LRRC7: variants seen among roughly 807,000 people sequenced by gnomAD.
The protein encoded by LRRC7 is leucine-rich repeat-containing protein 7.
In LRRC7, 23 loss-of-function variants were observed where a neutral mutation model predicts 175.7. That is an observed-to-expected ratio of 0.13 (90% CI 0.09 to 0.19). LRRC7 has a LOEUF of 0.19. Among genes scored for constraint, LRRC7 ranks in the 10% least tolerant of loss-of-function variants. LRRC7 has a pLI of 1.00. For missense variants in LRRC7, 1,354 were observed against 1,904.7 expected (o/e 0.71, Z 5.38); for synonymous variants, 685 against 680.9 (o/e 1.01, Z -0.09).
chr1:69,983,613 AG>A (rs1221678749), intron 9 of LRRC7, among the ~76,000 whole-genome samples: 7 of 152,220 alleles, frequency 4.6e-5, no homozygotes, highest in African/African-American at 1.7e-4. Context: ...CAGTCAATGC[AG>A]GTATATAAAG....
At chr1:69,776,413 A>G (rs1672810663) in intron 3 of LRRC7, among the ~76,000 whole-genome samples, 1 of 152,208 alleles carries the variant, frequency 6.6e-6, no homozygotes, top group Admixed American at 6.5e-5. Context: ...GTTATCTTCT[A>G]TTCCAAATTA....
intron 1 of LRRC7, among the ~76,000 whole-genome samples, chr1:69,661,515 T>A (rs1657470470): frequency 6.6e-6 from 1 of 152,190 alleles, no homozygotes; most frequent in South Asian, 2.1e-4. Flanking sequence ...TCATTTATTT[T>A]AAAAAATGCT....
intron 18 of LRRC7, among the ~76,000 whole-genome samples, chr1:70,030,908 A>G (rs725795): frequency 0.22 from 32,829 of 152,104 alleles, 3,600 homozygotes; most frequent in African/African-American, 0.24. Flanking sequence ...GAGCCATAAG[A>G]AAAAGGAGGA....
At chr1:70,010,056 G>T (rs751065076) in intron 11 of LRRC7, among the ~76,000 whole-genome samples, 1 of 152,076 alleles carries the variant, frequency 6.6e-6, no homozygotes, top group Non-Finnish European at 1.5e-5. Flanking sequence ...CTTCCCTGAT[G>T]TATTCCCTTG....
At chr1:69,699,940 G>A (rs994808094) in intron 2 of LRRC7, among the ~76,000 whole-genome samples, 3 of 152,172 alleles carry the variant, frequency 2.0e-5, no homozygotes, top group Admixed American at 6.5e-5. Context: ...GGGGTCCTAT[G>A]GAAGCCTTTC....
At chr1:69,975,309 A>G (rs1652697441) in intron 8 of LRRC7, among the ~76,000 whole-genome samples, 1 of 152,156 alleles carries the variant, frequency 6.6e-6, no homozygotes, top group Non-Finnish European at 1.5e-5. Context: ...ACACACCAAG[A>G]TTTTATAGTT....
chr1:70,133,014 C>G lies in LRRC7; in HGVS notation c.*11127C>G, dbSNP rs1369534068. Among the ~76,000 whole-genome samples, 1 of 152,098 alleles carries G rather than the reference C, an allele frequency of 6.6e-6. No individual in the cohort carries two copies. Among genetic ancestry groups the G allele is most frequent in the Non-Finnish European group, 1.5e-5 (1 of 68,014 alleles). On this transcript the variant is annotated 3_prime_UTR_variant, in exon 27 of 27. Coordinates refer to ENST00000651989, the MANE Select transcript of LRRC7 (RefSeq NM_001370785.2). ...AATTGTGTTTCATCTCAATAAAATC[C>G]TCTAGTTTAAATTACTGCGTTCAAC...
intron 11 of LRRC7, among the ~76,000 whole-genome samples, chr1:69,997,354 A>G (rs1655086321): frequency 6.6e-6 from 1 of 151,126 alleles, no homozygotes; most frequent in Admixed American, 6.6e-5. Flanking sequence ...AAACAGGGAC[A>G]ATTTGACTTC....
At chr1:69,653,497 AAAAG>A (rs1656168588) in intron 1 of LRRC7, among the ~76,000 whole-genome samples, 3 of 152,066 alleles carry the variant, frequency 2.0e-5, no homozygotes, top group Admixed American at 1.3e-4. Flanking sequence ...CTAATAAAAA[AAAAG>A]AAAACTGTTA....
At chr1:69,939,043 A>ATC (rs1203860021) in intron 8 of LRRC7, among the ~76,000 whole-genome samples, 23 of 64,888 alleles carry the variant, frequency 3.5e-4, no homozygotes, top group African/African-American at 8.4e-4. Context: ...ATATATATCT[A>ATC]TATCTATCTC....
chr1:69,621,472 C>T (rs1650590692), intron 1 of LRRC7, among the ~76,000 whole-genome samples: 1 of 152,124 alleles, frequency 6.6e-6, no homozygotes, highest in Non-Finnish European at 1.5e-5. Context: ...ATCAGCGAAT[C>T]TTTAGAACTG....
At chr1:69,682,947 C>T (rs1034804825) in intron 2 of LRRC7, among the ~76,000 whole-genome samples, 1 of 152,102 alleles carries the variant, frequency 6.6e-6, no homozygotes, top group Admixed American at 6.6e-5. Context: ...CAAACAATGT[C>T]ATTACATGCA....
chr1:69,926,645 G>A (rs994846366), intron 7 of LRRC7, among the ~76,000 whole-genome samples: 6 of 150,260 alleles, frequency 4.0e-5, no homozygotes, highest in African/African-American at 1.2e-4. Context: ...GCCTTTTTTT[G>A]TTTCCATTTG....
At chr1:69,931,617 T>C (rs541427144) in intron 8 of LRRC7, 47 bp downstream of exon 8, 1 of 1,456,918 alleles carries the variant, frequency 6.9e-7, no homozygotes, top group African/African-American at 1.4e-5. Flanking sequence ...TTCAGGAGAT[T>C]CTTTCTTTTG....
At chr1:70,057,609 T>C (rs1185420893) in intron 23 of LRRC7, among the ~76,000 whole-genome samples, 1 of 151,756 alleles carries the variant, frequency 6.6e-6, no homozygotes, top group African/African-American at 2.4e-5. Context: ...TTTTTTTTAA[T>C]CTTGTCTCTC....
At chr1:69,588,065 A>C (rs1569731873) in intron 1 of LRRC7, among the ~76,000 whole-genome samples, 1 of 152,098 alleles carries the variant, frequency 6.6e-6, no homozygotes, top group African/African-American at 2.4e-5. Context: ...AATTCCTTCT[A>C]TTCATTCCTT....
intron 7 of LRRC7, among the ~76,000 whole-genome samples, chr1:69,917,798 CT>C: frequency 6.6e-6 from 1 of 152,250 alleles, no homozygotes; most frequent in Middle Eastern, 3.4e-3. Context: ...AGCTTCTTCA[CT>C]TTGGACCAAA....
chr1:69,856,725 T>C (rs1683681881), intron 7 of LRRC7, among the ~76,000 whole-genome samples: 1 of 152,074 alleles, frequency 6.6e-6, no homozygotes, highest in Admixed American at 6.6e-5. Flanking sequence ...ACTATTCCAA[T>C]CAATAGAAAA....
intron 4 of LRRC7, among the ~76,000 whole-genome samples, chr1:69,807,480 A>G (rs1677265662): frequency 6.6e-6 from 1 of 152,030 alleles, no homozygotes; most frequent in Admixed American, 6.6e-5. Flanking sequence ...GAGCTCTTGT[A>G]AGGCAGGCCT....
Sources: gnomAD v4.1 joint callset for allele counts (sites outside exome capture counted in the v4.1 genomes callset) on GRCh38, gnomAD v4.1.1 for gene constraint, MANE v1.5 for transcripts, NCBI Gene and HGNC (gene_info 2026-07-23, HGNC 2026-07-21) for gene names.